CYP4F11: variants seen among roughly 807,000 people sequenced by gnomAD.
CYP4F11 encodes the protein cytochrome P450 4F11.
In CYP4F11, 79 loss-of-function variants were observed where a neutral mutation model predicts 62.2. That is an observed-to-expected ratio of 1.27 (90% CI 1.06 to 1.53). The LOEUF (loss-of-function observed/expected upper bound fraction) is 1.53. CYP4F11 is among the 40% of genes most tolerant of loss of function. The probability of loss-of-function intolerance (pLI) is 0.00; values close to 1 mark genes in which losing one functional copy is unlikely to be tolerated. For synonymous variants in CYP4F11, 290 were observed against 263.7 expected, an observed-to-expected ratio of 1.10 and a Z score of -0.97; for missense variants, 777 against 680.5, an observed-to-expected ratio of 1.14 and a Z score of -1.58.
At chr19:15,915,919 AATG>A (rs1398758430) in intron 8 of CYP4F11, among the ~76,000 whole-genome samples, 5 of 152,046 alleles carry the variant, frequency 3.3e-5, no homozygotes, top group African/African-American at 1.2e-4. Context: ...TATTAATAAT[AATG>A]ATAATAATAT....
At chr19:15,934,186 A>G in intron 1 of CYP4F11, 25 bp downstream of exon 1, 2 of 1,612,252 alleles carry the variant, frequency 1.2e-6, no homozygotes, top group Non-Finnish European at 1.7e-6. Context: ...CTGAGACCCC[A>G]GACCCGTCCT....
chr19:15,918,933 T>TAAA (rs34830276), intron 8 of CYP4F11, among the ~76,000 whole-genome samples: 1 of 127,902 alleles, frequency 7.8e-6, no homozygotes, highest in Admixed American at 7.9e-5. Flanking sequence ...TATGCCATGC[T>TAAA]AAAAAAAAAA....
intron 1 of CYP4F11, among the ~76,000 whole-genome samples, chr19:15,933,912 A>G (rs113231947): frequency 1.1e-5 from 1 of 90,572 alleles, no homozygotes; most frequent in Non-Finnish European, 2.7e-5. Context: ...GGGCAGAGGA[A>G]TGAGTGAGCG....
At position 15,924,026 on chromosome 19, in the gene CYP4F11, C is replaced by G. The variant is rs771227182; in HGVS notation, c.704G>C (p.Arg235Thr). The G allele has an allele frequency of 4.3e-6, 7 of 1,614,042 alleles. No homozygotes were observed. The highest frequency in any genetic ancestry group is 5.9e-6 in the Non-Finnish European group (7 of 1,180,034). ...CGTGTGCAAGAGAATCTGCTGGTTT[C>G]TCTTTTCTACAAAGGCACTGAGCTC... ...ILELSAFVEK[R>T]NQQILLHTDF... The change falls in exon 6 of 12, where the codon AGA becomes ACA. Residue 235 changes from arginine (R) to threonine (T), a missense_variant. By Grantham distance (71) the Arg-to-Thr change is moderately conservative (BLOSUM62 -1). Coordinates refer to ENST00000402119, the MANE Select transcript of CYP4F11 (RefSeq NM_021187.4).
chr19:15,930,037 A>G (rs1288318037), intron 1 of CYP4F11, among the ~76,000 whole-genome samples: 1 of 142,006 alleles, frequency 7.0e-6, no homozygotes, highest in Non-Finnish European at 1.6e-5. Flanking sequence ...CAATTTCCGT[A>G]ATAAACTCTC....
intron 1 of CYP4F11, among the ~76,000 whole-genome samples, chr19:15,929,838 G>T: frequency 6.6e-6 from 1 of 152,150 alleles, no homozygotes; most frequent in East Asian, 1.9e-4. Flanking sequence ...TCCTTTGATG[G>T]TGCAGATACA....
At position 15,934,213 on chromosome 19, in the gene CYP4F11, G is replaced by A. The variant is rs1012270062; in HGVS notation, c.196C>T (p.Leu66=). 4.3e-6 allele frequency: 7 copies of A among 1,613,210 alleles called. No individual in the cohort carries two copies. Among genetic ancestry groups the A allele is most frequent in the Non-Finnish European group, 5.9e-6 (7 of 1,179,596 alleles). The change falls in exon 1 of 12, where the codon CTG becomes TTG. Residue 66 remains leucine, a splice_region_variant and synonymous_variant. Transcript: ENST00000402119. ...ACCCGTCCTGCTGACAAACTCACCAGGCCCTGGTGTCCCCAAAACCAGTTC... is the reference window on the plus strand; with the variant it reads ...ACCCGTCCTGCTGACAAACTCACCAAGCCCTGGTGTCCCCAAAACCAGTTC... ...KQNWFWGHQG[L]VTPTEEGMKT...
chr19:15,912,425 G>A lies in CYP4F11; in HGVS notation c.*1307C>T, dbSNP rs780004894. 6.6e-6 allele frequency: 1 copy of A among 151,940 alleles called. No homozygotes were observed. Among genetic ancestry groups the A allele is most frequent in the Non-Finnish European group, 1.5e-5 (1 of 68,028 alleles). 9.4% of individuals were successfully genotyped at this position (151,940 alleles called of 1,614,324 possible). A position where few individuals can be genotyped will look rare whatever the true frequency, so the allele number is the denominator to read the frequency against. ...ATAAAGGTGCAAAGGCAATACGATG[G>A]TCCCAAATAAAAAATATAATGTATT... is the stretch of plus-strand genomic sequence containing the variant. On this transcript the variant is annotated 3_prime_UTR_variant, in exon 12 of 12. Coordinates refer to ENST00000402119, the MANE Select transcript of CYP4F11 (RefSeq NM_021187.4).
chr19:15,931,161 G>A (rs1476387767), intron 1 of CYP4F11, among the ~76,000 whole-genome samples: 4 of 151,502 alleles, frequency 2.6e-5, no homozygotes, highest in Non-Finnish European at 5.9e-5. Flanking sequence ...AGCAAGATAG[G>A]AGGAAGGTGC....
chr19:15,924,904 C>T, intron 4 of CYP4F11, 22 bp from the exon 5 acceptor site: 1 of 1,600,256 alleles, frequency 6.2e-7, no homozygotes, highest in Non-Finnish European at 8.5e-7. Context: ...AAAAACAGAG[C>T]CAAAGCTGGG....
In CYP4F11 at chr19:15,914,767, G is replaced by A; in HGVS notation, c.1244C>T (p.Pro415Leu). Reference sequence around the variant, plus strand: ...CCCCCTGAGGCTGTGAGCACCTTTGGGGATGACGCGGCCGTCTGGGAGCAC... The same window carrying A: ...CCCCCTGAGGCTGTGAGCACCTTTGAGGATGACGCGGCCGTCTGGGAGCAC... Reference protein sequence around the residue: ...DFVLPDGRVIPKGIVCLINII... With the variant: ...DFVLPDGRVILKGIVCLINII... The change falls in exon 9 of 12, where the codon CCC becomes CTC. Residue 415 changes from proline (P) to leucine (L), a missense_variant. By Grantham distance (98) the Pro-to-Leu change is moderately conservative. Transcript: ENST00000402119. 6.2e-7 allele frequency: 1 copy of A among 1,614,148 alleles called. No individual in the cohort carries two copies. Among genetic ancestry groups the A allele is most frequent in the South Asian group, 1.1e-5 (1 of 91,082 alleles).
intron 8 of CYP4F11, 79 bp downstream of exon 8, chr19:15,921,958 A>G (rs1355287271): frequency 2.0e-6 from 3 of 1,463,552 alleles, no homozygotes; most frequent in Non-Finnish European, 2.7e-6. Flanking sequence ...GAATTGACCA[A>G]AAAAACTCCC....
In CYP4F11 at chr19:15,921,054, GTCTC is replaced by G. The variant is rs60842401; in HGVS notation, c.1115+979_1115+982del. Among the ~76,000 whole-genome samples, 833 of 122,098 alleles carry G rather than the reference GTCTC, an allele frequency of 6.8e-3. 7 individuals carry two copies. The highest frequency in any genetic ancestry group is 0.016 in the Middle Eastern group (4 of 250). The allele number at this position is 122,098 out of a possible 152,430, so 80.1% of individuals were successfully genotyped here. On this transcript the variant is annotated intron_variant, in intron 8 of 11. Coordinates refer to ENST00000402119, the MANE Select transcript of CYP4F11 (RefSeq NM_021187.4). ...TTGGTCTCTCTCTCTCTCTCTTTCT[GTCTC>G]TCTCTCTCTCTCTCTCTCTCTCTCT... is the stretch of plus-strand genomic sequence containing the variant.
At chr19:15,929,802 C>A (rs1568256365) in intron 1 of CYP4F11, among the ~76,000 whole-genome samples, 1 of 152,198 alleles carries the variant, frequency 6.6e-6, no homozygotes, top group Non-Finnish European at 1.5e-5. Context: ...TGATCCACCT[C>A]CCCAGTGGGG....
intron 8 of CYP4F11, among the ~76,000 whole-genome samples, chr19:15,919,714 T>C (rs1230888102): frequency 1.3e-5 from 2 of 152,210 alleles, no homozygotes; most frequent in Admixed American, 1.3e-4. Flanking sequence ...TTTCCATGTA[T>C]AAATGCAAAA....
chr19:15,919,413 CGGATGGATGGATGGATGGATGGAT>C (rs56657452), intron 8 of CYP4F11, among the ~76,000 whole-genome samples: 2 of 144,506 alleles, frequency 1.4e-5, no homozygotes, highest in African/African-American at 2.6e-5. Context: ...GATGGATGGA[CGGATGGATGGATGGATGGATGGAT>C]GGATGGATGG....
chr19:15,934,189 C>T (rs768839660), intron 1 of CYP4F11, 22 bp downstream of exon 1: 22 of 1,612,594 alleles, frequency 1.4e-5, no homozygotes, highest in Non-Finnish European at 1.9e-5. Flanking sequence ...AGACCCCAGA[C>T]CCGTCCTGCT....
chr19:15,924,539 G>A (rs1182984939), intron 5 of CYP4F11, among the ~76,000 whole-genome samples: 1 of 152,144 alleles, frequency 6.6e-6, no homozygotes, highest in Non-Finnish European at 1.5e-5. Context: ...TAAAGTTCAT[G>A]CCACTTTTCC....
chr19:15,930,486 G>A (rs1263799108), intron 1 of CYP4F11, among the ~76,000 whole-genome samples: 3 of 152,182 alleles, frequency 2.0e-5, no homozygotes, highest in Non-Finnish European at 2.9e-5. Context: ...CAGGTACTCA[G>A]GAGGCTGAGG....
Sources: gnomAD v4.1 joint callset for allele counts (sites outside exome capture counted in the v4.1 genomes callset) on GRCh38, gnomAD v4.1.1 for gene constraint, MANE v1.5 for transcripts, NCBI Gene and HGNC (gene_info 2026-07-23, HGNC 2026-07-21) for gene names.